Variants in SNX13 observed in about 807,000 individuals in gnomAD.
SNX13 encodes sorting nexin-13.
A neutral mutation model predicts 133.6 loss-of-function variants in SNX13; 45 were observed. The ratio of observed to expected loss-of-function variants is 0.34; its 90% confidence interval spans 0.27 to 0.43. The LOEUF is 0.43. Ranked by LOEUF, SNX13 falls within the 20% of genes least tolerant of loss-of-function variation. The pLI, the probability that SNX13 is intolerant of heterozygous loss-of-function variation, is 1.00. For synonymous variants in SNX13, 414 were observed against 373.9 expected (o/e 1.11, Z -1.24); for missense variants, 1,032 against 1,145.1 (o/e 0.90, Z 1.43).
At chr7:17,871,130 C>G (rs556785967) in intron 8 of SNX13, among the ~76,000 whole-genome samples, 14 of 151,970 alleles carry the variant, frequency 9.2e-5, no homozygotes, top group Admixed American at 2.6e-4. Flanking sequence ...CTCAGCCTCC[C>G]GAGTAGCTGG....
intron 1 of SNX13, among the ~76,000 whole-genome samples, chr7:17,921,962 T>C (rs1237060082): frequency 6.6e-6 from 1 of 152,192 alleles, no homozygotes; most frequent in African/African-American, 2.4e-5. Flanking sequence ...TCATAAGCAT[T>C]TCACCTCCAC....
chr7:17,855,986 A>G (rs998279820), intron 9 of SNX13, among the ~76,000 whole-genome samples: 1 of 152,244 alleles, frequency 6.6e-6, no homozygotes, highest in Admixed American at 6.5e-5. Context: ...TCATGGGATG[A>G]GGTCAAATAT....
At chr7:17,932,104 A>G (rs911166099) in intron 1 of SNX13, among the ~76,000 whole-genome samples, 3 of 152,238 alleles carry the variant, frequency 2.0e-5, no homozygotes, top group Non-Finnish European at 4.4e-5. Context: ...CATGAAAATC[A>G]GCATTATTGT....
At chr7:17,871,321 C>A (rs1304336705) in intron 8 of SNX13, among the ~76,000 whole-genome samples, 1 of 151,938 alleles carries the variant, frequency 6.6e-6, no homozygotes, top group East Asian at 1.9e-4. Context: ...TCATTCTTAA[C>A]AGAGAAAAAA....
chr7:17,833,030 C>A (rs1275409190), intron 15 of SNX13, among the ~76,000 whole-genome samples: 2 of 151,426 alleles, frequency 1.3e-5, no homozygotes, highest in East Asian at 3.9e-4. Flanking sequence ...TGCCATAAAA[C>A]CTATTCATAA....
At chr7:17,925,530 G>T (rs1320561683) in intron 1 of SNX13, among the ~76,000 whole-genome samples, 1 of 152,114 alleles carries the variant, frequency 6.6e-6, no homozygotes, top group Non-Finnish European at 1.5e-5. Context: ...GAACAAAACA[G>T]ATTCAAGATA....
chr7:17,801,282 T>C (rs1021244288), intron 22 of SNX13, among the ~76,000 whole-genome samples: 19 of 151,574 alleles, frequency 1.3e-4, no homozygotes, highest in Admixed American at 4.6e-4. Context: ...CTTCATGGAA[T>C]ACGTACCTTA....
At chr7:17,891,422 C>A in intron 4 of SNX13, 124 bp downstream of exon 4, 1 of 577,728 alleles carries the variant, frequency 1.7e-6, no homozygotes. Flanking sequence ...GTATAAAATT[C>A]AAGGATAACA....
At chr7:17,842,060 T>C (rs879819028) in intron 12 of SNX13, among the ~76,000 whole-genome samples, 1 of 151,944 alleles carries the variant, frequency 6.6e-6, no homozygotes, top group African/African-American at 2.4e-5. Context: ...AACAGGCAGA[T>C]CATATTTGAA....
chr7:17,835,126 G>A (rs566015147), intron 13 of SNX13, among the ~76,000 whole-genome samples: 1 of 151,864 alleles, frequency 6.6e-6, no homozygotes, highest in African/African-American at 2.4e-5. Context: ...CTCTCAGTAA[G>A]CTTCATTTAC....
intron 9 of SNX13, among the ~76,000 whole-genome samples, chr7:17,863,334 G>T (rs1420328376): frequency 6.6e-6 from 1 of 152,094 alleles, no homozygotes; most frequent in Non-Finnish European, 1.5e-5. Flanking sequence ...ATGACCCAGT[G>T]TAACACCAGC....
chr7:17,807,854 CCA>C (rs1049466999), intron 20 of SNX13, among the ~76,000 whole-genome samples: 1 of 86,910 alleles, frequency 1.2e-5, no homozygotes, highest in African/African-American at 6.6e-5. Flanking sequence ...AGCAAACCTG[CCA>C]CAGAGGGGCC....
At chr7:17,860,412 T>A (rs759577464) in intron 9 of SNX13, among the ~76,000 whole-genome samples, 5 of 152,224 alleles carry the variant, frequency 3.3e-5, no homozygotes, top group Non-Finnish European at 5.9e-5. Context: ...CTTGCAAATA[T>A]TTTCTCCCAT....
intron 9 of SNX13, among the ~76,000 whole-genome samples, chr7:17,861,199 T>G (rs1289413964): frequency 6.6e-6 from 1 of 152,074 alleles, no homozygotes; most frequent in Non-Finnish European, 1.5e-5. Context: ...TCCTGATATT[T>G]TGTTGCACAG....
intron 8 of SNX13, among the ~76,000 whole-genome samples, chr7:17,870,865 A>G (rs1358469748): frequency 3.3e-5 from 5 of 152,240 alleles, no homozygotes; most frequent in Admixed American, 1.3e-4. Flanking sequence ...ACAATTGGAT[A>G]CTATCCATAA....
chr7:17,833,091 T>C lies in SNX13; in HGVS notation c.1597+961A>G, dbSNP rs185579905. On this transcript the variant is annotated intron_variant, in intron 15 of 25. Transcript: ENST00000428135. ...TCTTAAAATACTTAAATCTTTCCCATTTACTTTTTATTGACTTCATTCACT... is the reference window on the plus strand; with the variant it reads ...TCTTAAAATACTTAAATCTTTCCCACTTACTTTTTATTGACTTCATTCACT... Among the ~76,000 whole-genome samples the C allele has an allele frequency of 8.1e-4, 123 of 151,684 alleles. 1 individual carries two copies. Among genetic ancestry groups the C allele is most frequent in the African/African-American group, 2.8e-3 (116 of 41,496 alleles).
intron 7 of SNX13, among the ~76,000 whole-genome samples, chr7:17,873,873 A>G (rs1408545338): frequency 6.6e-6 from 1 of 152,192 alleles, no homozygotes; most frequent in Admixed American, 6.5e-5. Flanking sequence ...AAATTTCGTT[A>G]CAAGTCTTTT....
chr7:17,846,913 G>T (rs1287731609), intron 11 of SNX13, among the ~76,000 whole-genome samples: 1 of 152,274 alleles, frequency 6.6e-6, no homozygotes, highest in East Asian at 1.9e-4. Flanking sequence ...AAGTAACATG[G>T]CTATATAACT....
intron 9 of SNX13, among the ~76,000 whole-genome samples, chr7:17,853,366 G>A (rs1421760109): frequency 6.6e-6 from 1 of 152,100 alleles, no homozygotes; most frequent in Non-Finnish European, 1.5e-5. Flanking sequence ...GCTATGAAAA[G>A]GTAATAGACT....
Sources: allele counts gnomAD v4.1 joint callset (sites outside exome capture counted in the v4.1 genomes callset), GRCh38; gene constraint gnomAD v4.1.1; transcripts MANE v1.5; gene names NCBI Gene and HGNC (gene_info 2026-07-23, HGNC 2026-07-21).